Variants in SLC12A2 observed in about 807,000 individuals in gnomAD.
The protein encoded by SLC12A2 is solute carrier family 12 member 2.
SLC12A2 carries 67 observed loss-of-function variants against 136.3 expected under a neutral mutation model. The ratio of observed to expected loss-of-function variants is 0.49; its 90% CI spans 0.40 to 0.60. SLC12A2 has a LOEUF of 0.60. SLC12A2 is among the 20% of genes least tolerant of loss of function. SLC12A2 has a pLI of 0.00. For missense variants in SLC12A2, 1,322 were observed against 1,534.7 expected (o/e 0.86, Z 2.32); for synonymous variants, 619 against 562.9 (o/e 1.10, Z -1.41).
intron 1 of SLC12A2, chr5:128,109,873 A>G: frequency 1.3e-6 from 1 of 788,302 alleles, no homozygotes; most frequent in Non-Finnish European, 2.3e-6. Flanking sequence ...TAAAAGAGCC[A>G]GTGTGCCATG....
intron 19 of SLC12A2, among the ~76,000 whole-genome samples, chr5:128,172,524 G>T (rs1763410425): frequency 1.3e-5 from 2 of 152,140 alleles, no homozygotes; most frequent in African/African-American, 4.8e-5. Context: ...TTCCCACTAT[G>T]TACTTTGTCT....
intron 23 of SLC12A2, 59 bp downstream of exon 23, chr5:128,181,053 A>G: frequency 1.0e-6 from 1 of 995,576 alleles, no homozygotes. Flanking sequence ...CTACAGTATA[A>G]ATTTGATAGG....
At chr5:128,171,554 G>A (rs1763375808) in intron 18 of SLC12A2, 113 bp from the exon 19 acceptor site, 8 of 692,928 alleles carry the variant, frequency 1.2e-5, no homozygotes, top group Admixed American at 3.0e-5. Flanking sequence ...AAAATCAGAC[G>A]TTTAAAGCCG....
At chr5:128,125,137 A>T (rs1163392752) in intron 4 of SLC12A2, among the ~76,000 whole-genome samples, 1 of 152,218 alleles carries the variant, frequency 6.6e-6, no homozygotes, top group Non-Finnish European at 1.5e-5. Flanking sequence ...AAAGGATTTT[A>T]ACTCTTAAAA....
At chr5:128,147,269 A>G (rs911274269) in intron 10 of SLC12A2, among the ~76,000 whole-genome samples, 2 of 151,676 alleles carry the variant, frequency 1.3e-5, no homozygotes, top group African/African-American at 4.8e-5. Context: ...AGAGATACGT[A>G]CTGACATATT....
At chr5:128,107,723 C>G (rs1760996639) in intron 1 of SLC12A2, among the ~76,000 whole-genome samples, 1 of 152,088 alleles carries the variant, frequency 6.6e-6, no homozygotes, top group Non-Finnish European at 1.5e-5. Flanking sequence ...CAAGACTTTG[C>G]TGTTGTGAAT....
chr5:128,103,078 A>G lies in SLC12A2; in HGVS notation c.757-9736A>G, dbSNP rs764502109. ...TTTATACGAGTATCTTGCTTCATAG[A>G]AGTATTGTATATCTCTAAGGATATG... is the stretch of plus-strand genomic sequence containing the variant. On this transcript the variant is annotated intron_variant, in intron 1 of 26. Coordinates refer to ENST00000262461, the MANE Select transcript of SLC12A2 (RefSeq NM_001046.3). Among the ~76,000 whole-genome samples, 14 of 152,304 alleles carry G rather than the reference A, an allele frequency of 9.2e-5. No homozygotes were observed. The South Asian group carries it at 2.9e-3, about 32-fold the overall frequency.
At chr5:128,154,228 C>T (rs1406593621) in intron 15 of SLC12A2, among the ~76,000 whole-genome samples, 1 of 151,862 alleles carries the variant, frequency 6.6e-6, no homozygotes, top group Non-Finnish European at 1.5e-5. Context: ...CAGTTTGAGA[C>T]CAGGCTAGGC....
At chr5:128,136,798 T>A (rs1437590097) in intron 7 of SLC12A2, among the ~76,000 whole-genome samples, 1 of 152,152 alleles carries the variant, frequency 6.6e-6, no homozygotes, top group Non-Finnish European at 1.5e-5. Flanking sequence ...TTGGGTGGTG[T>A]GTATTCTCAT....
At chr5:128,126,960 AT>A (rs1561673537) in intron 4 of SLC12A2, among the ~76,000 whole-genome samples, 8 of 26,390 alleles carry the variant, frequency 3.0e-4, no homozygotes, top group African/African-American at 2.1e-3. Flanking sequence ...ATATATATAT[AT>A]ATATATTTTT....
At chr5:128,086,701 T>C (rs1427792424) in intron 1 of SLC12A2, among the ~76,000 whole-genome samples, 1 of 152,236 alleles carries the variant, frequency 6.6e-6, no homozygotes, top group African/African-American at 2.4e-5. Context: ...AACTACATGT[T>C]GAAGATAATT....
chr5:128,152,827 A>G (rs377385296), intron 15 of SLC12A2, 22 bp downstream of exon 15: 8 of 1,403,632 alleles, frequency 5.7e-6, no homozygotes, highest in Middle Eastern at 1.8e-4. Context: ...AGAAGGAAAC[A>G]TGGAAGCATT....
intron 26 of SLC12A2, 35 bp from the exon 27 acceptor site, chr5:128,186,461 G>GTTTTTTTTTTTTTTTTTTTT (rs11382084): frequency 8.6e-7 from 1 of 1,156,780 alleles, no homozygotes. Flanking sequence ...ATTGCTCAGG[G>GTTTTTTTTTTTTTTTTTTTT]TTTTTTTTTT....
chr5:128,109,701 A>G, intron 1 of SLC12A2: 1 of 1,158,496 alleles, frequency 8.6e-7, no homozygotes, highest in Non-Finnish European at 1.3e-6. Context: ...TTCCAGGTGA[A>G]AGTCCCAGCA....
chr5:128,114,492 T>G lies in SLC12A2; in HGVS notation c.953-94T>G. 3 of 895,956 alleles carry G rather than the reference T, an allele frequency of 3.3e-6. No individual in the cohort carries two copies. In the South Asian group the frequency reaches 4.7e-5, roughly 14 times the overall value. The allele number at this position is 895,956 out of a possible 1,614,324, so 55.5% of individuals were successfully genotyped here. ...AAATTGGGTAATTTATAACTTAAAA[T>G]GTAGATTCAGTATTCTTAGACCAAC... is the stretch of plus-strand genomic sequence containing the variant. On this transcript the variant is annotated intron_variant, in intron 3 of 26. Transcript: ENST00000262461.
chr5:128,091,073 C>G (rs1479761981), intron 1 of SLC12A2, among the ~76,000 whole-genome samples: 1 of 152,128 alleles, frequency 6.6e-6, no homozygotes, highest in Non-Finnish European at 1.5e-5. Flanking sequence ...AGTTAGAAGC[C>G]TACTGCAATG....
In SLC12A2 at chr5:128,152,920, T is replaced by C. The variant is rs1037247403; in HGVS notation, c.2363+115T>C. Reference sequence around the variant, plus strand: ...CATTTTTAATCGGTCTTGGGCAGTTTAATTATTCAAGAACAAAATTGTACA... The same window carrying C: ...CATTTTTAATCGGTCTTGGGCAGTTCAATTATTCAAGAACAAAATTGTACA... On this transcript the variant is annotated intron_variant, in intron 15 of 26. Transcript: ENST00000262461. 70 of 652,692 alleles carry C rather than the reference T, an allele frequency of 1.1e-4. 1 individual carries two copies. The highest frequency in any genetic ancestry group is 6.6e-5 in the Non-Finnish European group (24 of 365,486). The allele number at this position is 652,692 out of a possible 1,614,324, so 40.4% of individuals were successfully genotyped here.
chr5:128,115,992 T>C (rs953005929), intron 4 of SLC12A2, among the ~76,000 whole-genome samples: 2 of 152,196 alleles, frequency 1.3e-5, no homozygotes, highest in African/African-American at 2.4e-5. Context: ...TTGAGCTATA[T>C]TGGGATATAC....
intron 1 of SLC12A2, among the ~76,000 whole-genome samples, chr5:128,104,346 T>C (rs1427369190): frequency 1.3e-5 from 2 of 152,058 alleles, no homozygotes; most frequent in African/African-American, 2.4e-5. Flanking sequence ...CTTAAAACAT[T>C]TGAATCCGGG....
Sources: allele counts gnomAD v4.1 joint callset (sites outside exome capture counted in the v4.1 genomes callset), GRCh38; gene constraint gnomAD v4.1.1; transcripts MANE v1.5; gene names NCBI Gene and HGNC (gene_info 2026-07-23, HGNC 2026-07-21).